ZNF423: variants seen among roughly 807,000 people sequenced by gnomAD.
ZNF423 encodes the protein zinc finger protein 423, also known as Ebf-associated zinc finger protein.
Under a neutral mutation model 95.8 loss-of-function variants are expected in ZNF423, and 12 were observed. That is an observed-to-expected ratio of 0.13 (90% confidence interval 0.08 to 0.20). The LOEUF is 0.20. ZNF423 is among the 10% of genes least tolerant of loss of function. ZNF423 has a pLI of 1.00. For synonymous variants in ZNF423, 749 were observed against 711.9 expected (o/e 1.05, Z -0.83); for missense variants, 1,316 against 1,737.1 (o/e 0.76, Z 4.31).
rs79273604 is a variant in ZNF423, at chr16:49,686,508, G to A, written c.301+44263C>T. Among the ~76,000 whole-genome samples the A allele has an allele frequency of 6.1e-3, 923 of 152,156 alleles. 4 individuals are homozygous for A. The highest frequency in any genetic ancestry group is 0.01 in the Admixed American group (156 of 15,286). ...CCAGGAAGCAGCCCTGCAGCCACTC[G>A]GAGTACACAGGCCTGCGTACGCCCC... On this transcript the variant is annotated intron_variant, in intron 3 of 7. Coordinates refer to ENST00000563137, the MANE Select transcript of ZNF423 (RefSeq NM_001379286.1).
At chr16:49,501,715 A>G (rs570283531) in intron 7 of ZNF423, among the ~76,000 whole-genome samples, 1 of 152,290 alleles carries the variant, frequency 6.6e-6, no homozygotes, top group Admixed American at 6.5e-5. Flanking sequence ...GAATAAAATC[A>G]TGTCCTTTGC....
chr16:49,853,707 A>C, intron 1 of ZNF423: 1 of 985,400 alleles, frequency 1.0e-6, no homozygotes, highest in African/African-American at 1.7e-5. Flanking sequence ...ATTTCATGAA[A>C]GGCTGAAGAC....
At chr16:49,754,654 G>T (rs2033691908) in intron 2 of ZNF423, among the ~76,000 whole-genome samples, 1 of 152,200 alleles carries the variant, frequency 6.6e-6, no homozygotes, top group Non-Finnish European at 1.5e-5. Context: ...CTCAGCAGCC[G>T]TAACACATGT....
At chr16:49,663,059 G>A (rs764010916) in intron 3 of ZNF423, among the ~76,000 whole-genome samples, 6 of 152,030 alleles carry the variant, frequency 3.9e-5, no homozygotes, top group East Asian at 1.9e-4. Context: ...CCAAGCAGGC[G>A]CTGGCAGAGG....
At chr16:49,544,017 C>T (rs768288082) in intron 5 of ZNF423, among the ~76,000 whole-genome samples, 3 of 152,186 alleles carry the variant, frequency 2.0e-5, no homozygotes, top group Admixed American at 1.3e-4. Context: ...AAATTAACAC[C>T]GTCATTAGTC....
chr16:49,501,376 G>C (rs893999608), intron 7 of ZNF423, among the ~76,000 whole-genome samples: 7 of 152,202 alleles, frequency 4.6e-5, no homozygotes, highest in African/African-American at 1.4e-4. Flanking sequence ...TGGAAATTTA[G>C]ATTTGTTTAA....
intron 5 of ZNF423, among the ~76,000 whole-genome samples, chr16:49,590,783 C>T (rs1970989746): frequency 6.6e-6 from 1 of 152,216 alleles, no homozygotes; most frequent in Non-Finnish European, 1.5e-5. Flanking sequence ...AGCTGGCAAA[C>T]TGAAGCGATG....
intron 3 of ZNF423, among the ~76,000 whole-genome samples, chr16:49,664,446 G>A (rs1398481313): frequency 6.6e-6 from 1 of 152,240 alleles, no homozygotes; most frequent in East Asian, 1.9e-4. Flanking sequence ...TGACCCAGTT[G>A]AGGGATCCAG....
chr16:49,691,418 C>T (rs1158569304), intron 3 of ZNF423, among the ~76,000 whole-genome samples: 2 of 152,196 alleles, frequency 1.3e-5, no homozygotes, highest in Admixed American at 1.3e-4. Flanking sequence ...CTCTGAGCCT[C>T]GGTTTCCTCA....
At chr16:49,709,938 G>A (rs904611831) in intron 3 of ZNF423, among the ~76,000 whole-genome samples, 4 of 152,102 alleles carry the variant, frequency 2.6e-5, no homozygotes, top group Non-Finnish European at 4.4e-5. Context: ...CAGCCAGAGC[G>A]GACTGAGGCA....
intron 5 of ZNF423, among the ~76,000 whole-genome samples, chr16:49,587,400 G>T (rs1387970532): frequency 6.6e-6 from 1 of 152,228 alleles, no homozygotes; most frequent in African/African-American, 2.4e-5. Flanking sequence ...TCAGAGCTGG[G>T]GCTTGGCAGG....
At position 49,738,435 on chromosome 16, in the gene ZNF423, A is replaced by G. The variant is rs1008394962; in HGVS notation, c.101-7464T>C. 1.3e-5 allele frequency among the ~76,000 whole-genome samples: 2 copies of G among 152,144 alleles called. 1 individual carries two copies. The highest frequency in any genetic ancestry group is 4.1e-4 in the South Asian group (2 of 4,830). ...TGACCTTGACCAAGGCAAGTCCCCT[A>G]CCTGAGCCTCTGATTCCTCATAGGC... On this transcript the variant is annotated intron_variant, in intron 2 of 7. Coordinates refer to ENST00000563137, the MANE Select transcript of ZNF423 (RefSeq NM_001379286.1).
At chr16:49,736,774 A>G (rs1277598002) in intron 2 of ZNF423, among the ~76,000 whole-genome samples, 3 of 152,204 alleles carry the variant, frequency 2.0e-5, no homozygotes, top group Non-Finnish European at 4.4e-5. Context: ...CAGCCTGGAT[A>G]ACAGAGCAAG....
intron 5 of ZNF423, among the ~76,000 whole-genome samples, chr16:49,565,137 G>A (rs1970147325): frequency 1.3e-5 from 2 of 152,128 alleles, no homozygotes; most frequent in Admixed American, 6.6e-5. Context: ...CTATCAGCAC[G>A]GCGCCGCAGC....
In ZNF423 at chr16:49,638,204, T is replaced by C; in HGVS notation, c.972A>G (p.Gln324=). ...ACTTGTGTTTCTGGTTGGCGTGGGC[T>C]TGGTGGATATGGGCGAGCAGTGTGT... ...DENTLLAHIH[Q]AHANQKHKCP... is the part of the protein sequence containing the mutation. Residue 324 remains glutamine, a synonymous_variant, in exon 4 of 8, where the codon CAA becomes CAG. Transcript: ENST00000563137. This position sits in a 1 kb window ranked among gnomAD's most constrained non-coding sequence, Gnocchi z 5.6. 1 of 1,608,134 alleles carries C rather than the reference T, an allele frequency of 6.2e-7. No individual in the cohort carries two copies. The highest frequency in any genetic ancestry group is 8.5e-7 in the Non-Finnish European group (1 of 1,179,976).
chr16:49,538,495 A>AGGGGTAAT (rs773400211), intron 5 of ZNF423, among the ~76,000 whole-genome samples: 4 of 152,112 alleles, frequency 2.6e-5, no homozygotes, highest in Admixed American at 2.6e-4. Flanking sequence ...ACATTCAGAC[A>AGGGGTAAT]CACTGCCTGG....
rs570254564 is a variant in ZNF423, at chr16:49,693,302, T to C, written c.301+37469A>G. On this transcript the variant is annotated intron_variant, in intron 3 of 7. Transcript: ENST00000563137. ...ACCCGTGAGTATGAGGTATATGCTA[T>C]CGTTAGTTCCATTTTACAGATGAGG... Among the ~76,000 whole-genome samples the C allele has an allele frequency of 5.9e-5, 9 of 152,296 alleles. No individual in the cohort carries two copies. In the East Asian group the frequency reaches 1.4e-3, roughly 23 times the overall value.
chr16:49,493,296 C>T (rs951480801), intron 7 of ZNF423, among the ~76,000 whole-genome samples: 5 of 152,164 alleles, frequency 3.3e-5, no homozygotes, highest in African/African-American at 1.2e-4. Context: ...TGGATCACTT[C>T]CCATCCCTGC....
chr16:49,639,865 G>A (rs547588641), intron 3 of ZNF423, among the ~76,000 whole-genome samples: 6 of 152,302 alleles, frequency 3.9e-5, no homozygotes, highest in African/African-American at 7.2e-5. Context: ...CTAAGGGTAG[G>A]CCGTTTCTGG....
Sources: allele counts gnomAD v4.1 joint callset (sites outside exome capture counted in the v4.1 genomes callset), GRCh38; gene constraint gnomAD v4.1.1; non-coding constraint Gnocchi (gnomAD v3.1); transcripts MANE v1.5; gene names NCBI Gene and HGNC (gene_info 2026-07-23, HGNC 2026-07-21).